The following DYNAP variants were observed in gnomAD, a reference collection of about 807,000 sequenced individuals.
DYNAP encodes dynactin-associated protein.
In DYNAP, 7 loss-of-function variants were observed where a neutral mutation model predicts 8.5. The ratio of observed to expected loss-of-function variants is 0.82; its 90% CI spans 0.47 to 1.54. The LOEUF (loss-of-function observed/expected upper bound fraction) is 1.54. DYNAP is among the 40% of genes most tolerant of loss of function. The pLI is 0.01. For missense variants in DYNAP, 256 were observed against 224.3 expected, an observed-to-expected ratio of 1.14 and a Z score of -0.90; for synonymous variants, 77 against 77.9, an observed-to-expected ratio of 0.99 and a Z score of 0.06.
the DYNAP span, among the ~76,000 whole-genome samples, chr18:54,576,503 A>G: frequency 1.3e-5 from 2 of 152,244 alleles, no homozygotes; most frequent in Middle Eastern, 3.4e-3. Flanking sequence ...GCATTTTCCA[A>G]AAAGAACAAA....
chr18:54,586,823 T>C (rs933016129), upstream of DYNAP, among the ~76,000 whole-genome samples: 1 of 152,228 alleles, frequency 6.6e-6, no homozygotes, highest in Non-Finnish European at 1.5e-5. Flanking sequence ...CTTTGAGCAG[T>C]GTGGTACACC....
At chr18:54,586,782 A>G (rs374796489), upstream of DYNAP, among the ~76,000 whole-genome samples, 31 of 152,328 alleles carry the variant, frequency 2.0e-4, no homozygotes, top group African/African-American at 6.7e-4. Flanking sequence ...GGATACTACT[A>G]CTTAATTCTT....
At position 54,594,967 on chromosome 18, in the gene DYNAP, C is replaced by T. The variant is rs1372017062; in HGVS notation, c.86C>T (p.Ala29Val). 1.2e-6 allele frequency: 2 copies of T among 1,612,114 alleles called. No homozygotes were observed. ...PPITHPNDQE[A>V]HSSICWCLPS... ...ATCACACATCCAAATGACCAAGAGG[C>T]TCACAGTTCCATATGCTGGTGTCTA... Residue 29 changes from alanine to valine, a missense_variant, in exon 2 of 3, where the codon GCT (alanine) becomes GTT (valine). By Grantham distance (64) the Ala-to-Val change is moderately conservative. Transcript: ENST00000648945.
intron 1 of DYNAP, among the ~76,000 whole-genome samples, chr18:54,592,049 C>T (rs1451604820): frequency 6.6e-6 from 1 of 152,074 alleles, no homozygotes; most frequent in East Asian, 1.9e-4. Flanking sequence ...AAATAGCTTG[C>T]TTTTGTCATA....
At chr18:54,577,926 T>C in the DYNAP span, among the ~76,000 whole-genome samples, 2 of 142,054 alleles carry the variant, frequency 1.4e-5, no homozygotes, top group Non-Finnish European at 3.0e-5. Flanking sequence ...ATCAGGCCAC[T>C]GCACTCCAGC....
rs1313285310 is a variant in DYNAP at position 54,598,135 on chromosome 18, A to G, written c.545A>G (p.Asp182Gly). The change falls in exon 3 of 3, where the codon GAT becomes GGT. Residue 182 changes from aspartate (D) to glycine (G), a missense_variant. Physicochemically the swap from Asp to Gly is moderately conservative, Grantham distance 94. Transcript: ENST00000648945. ...STEPITVAPT[D>G]HL ...GAACCTATAACTGTTGCACCTACCG[A>G]TCATTTATAATTTGAACAGCCATAG... 1.2e-6 allele frequency: 2 copies of G among 1,606,854 alleles called. No homozygotes were observed. The highest frequency in any genetic ancestry group is 1.1e-5 in the South Asian group (1 of 89,960).
chr18:54,583,850 C>A (rs1599442637), upstream of DYNAP, among the ~76,000 whole-genome samples: 1 of 152,240 alleles, frequency 6.6e-6, no homozygotes, highest in East Asian at 1.9e-4. Flanking sequence ...ATCCCACCTT[C>A]TGAGAACCGA....
Position 54,594,922 on chromosome 18 carries a change from C to G in DYNAP, c.58-17C>G, listed in dbSNP as rs751443471. 5 of 1,604,408 alleles carry G rather than the reference C, an allele frequency of 3.1e-6. No homozygotes were observed. Among genetic ancestry groups the G allele is most frequent in the Non-Finnish European group, 4.3e-6 (5 of 1,175,156 alleles). On this transcript the variant is annotated splice_polypyrimidine_tract_variant and intron_variant, in intron 1 of 2. Coordinates refer to ENST00000648945, the MANE Select transcript of DYNAP (RefSeq NM_173629.3). ...GGTTTCCTAGGCTTCCTACTCACTT[C>G]CACTCTGCCTTTGTAGCCAATCACA...
At chr18:54,587,624 GCC>G, upstream of DYNAP, 1 of 361,774 alleles carries the variant, frequency 2.8e-6, no homozygotes, top group Middle Eastern at 5.9e-4. Context: ...AATTTTTACT[GCC>G]AAATAAATTT....
chr18:54,598,479 A>G lies in DYNAP; in HGVS notation c.*334A>G, dbSNP rs1333509243. The stretch of plus-strand genomic sequence containing the variant: ...ACAATGCTCATCACTCTTTTCCAAC[A>G]ATGTATAATCTCCACCTATTCATCT... On this transcript the variant is annotated 3_prime_UTR_variant, in exon 3 of 3. Transcript: ENST00000648945. 3 of 240,272 alleles carry G rather than the reference A, an allele frequency of 1.2e-5. No individual in the cohort carries two copies. Among genetic ancestry groups the G allele is most frequent in the Middle Eastern group, 1.4e-3 (1 of 712 alleles). 14.9% of individuals were successfully genotyped at this position (240,272 alleles called of 1,614,324 possible).
At chr18:54,579,493 T>C in the DYNAP span, among the ~76,000 whole-genome samples, 1 of 152,220 alleles carries the variant, frequency 6.6e-6, no homozygotes, top group Non-Finnish European at 1.5e-5. Flanking sequence ...ACGTTTTCCA[T>C]ACCCAGGAGC....
the DYNAP span, among the ~76,000 whole-genome samples, chr18:54,580,392 CT>C: frequency 6.6e-6 from 1 of 152,216 alleles, no homozygotes; most frequent in Non-Finnish European, 1.5e-5. Flanking sequence ...ACGATGTCTA[CT>C]GAATCTGCCA....
chr18:54,598,505 G>A lies in DYNAP; in HGVS notation c.*360G>A. ...ATGTATAATCTCCACCTATTCATCTGAGGACTAAGCTCTGATTTTTCATCT... is the reference window on the plus strand; with the variant it reads ...ATGTATAATCTCCACCTATTCATCTAAGGACTAAGCTCTGATTTTTCATCT... On this transcript the variant is annotated 3_prime_UTR_variant, in exon 3 of 3. Coordinates refer to ENST00000648945, the MANE Select transcript of DYNAP (RefSeq NM_173629.3). 5.1e-6 allele frequency: 1 copy of A among 196,354 alleles called. No individual in the cohort carries two copies. Among genetic ancestry groups the A allele is most frequent in the African/African-American group, 2.3e-5 (1 of 43,566 alleles). 12.2% of individuals were successfully genotyped at this position (196,354 alleles called of 1,614,324 possible).
rs1030054578 is a variant in DYNAP at position 54,594,969 on chromosome 18, C to T, written c.88C>T (p.His30Tyr). 1 of 1,612,294 alleles carries T rather than the reference C, an allele frequency of 6.2e-7. No homozygotes were observed. The highest frequency in any genetic ancestry group is 1.7e-5 in the Admixed American group (1 of 59,860). ...CACACATCCAAATGACCAAGAGGCT[C>T]ACAGTTCCATATGCTGGTGTCTACC... ...PITHPNDQEA[H>Y]SSICWCLPSN... Residue 30 changes from histidine (H) to tyrosine (Y), a missense_variant, in exon 2 of 3, where the codon CAC (histidine) becomes TAC (tyrosine). His to Tyr is a moderately conservative substitution (Grantham distance 83, BLOSUM62 2). Coordinates refer to ENST00000648945, the MANE Select transcript of DYNAP (RefSeq NM_173629.3).
At chr18:54,592,158 T>G (rs1022589934) in intron 1 of DYNAP, among the ~76,000 whole-genome samples, 1 of 152,078 alleles carries the variant, frequency 6.6e-6, no homozygotes, top group African/African-American at 2.4e-5. Flanking sequence ...ATAGAGGATT[T>G]CTGGTTCACC....
At chr18:54,580,794 C>T in the DYNAP span, among the ~76,000 whole-genome samples, 58 of 152,302 alleles carry the variant, frequency 3.8e-4, no homozygotes, top group East Asian at 0.01. Flanking sequence ...CAAGCACCAG[C>T]GCCATGACAT....
chr18:54,595,232 GT>G, intron 2 of DYNAP, 129 bp downstream of exon 2: 1 of 1,044,986 alleles, frequency 9.6e-7, no homozygotes. Flanking sequence ...AGCATTTGCT[GT>G]ATTCTCAGTA....
At chr18:54,589,588 G>A (rs1910993496), upstream of DYNAP, among the ~76,000 whole-genome samples, 1 of 151,866 alleles carries the variant, frequency 6.6e-6, no homozygotes, top group Non-Finnish European at 1.5e-5. Flanking sequence ...CCCAAATTTT[G>A]TGGCTGAGTC....
intron 2 of DYNAP, among the ~76,000 whole-genome samples, chr18:54,596,434 C>G (rs1441315572): frequency 6.6e-6 from 1 of 152,056 alleles, no homozygotes; most frequent in Non-Finnish European, 1.5e-5. Flanking sequence ...AAGACCAAAT[C>G]AAGTGCCTGA....
Sources: allele counts gnomAD v4.1 joint callset (sites outside exome capture counted in the v4.1 genomes callset), GRCh38; gene constraint gnomAD v4.1.1; transcripts MANE v1.5; gene names NCBI Gene and HGNC (gene_info 2026-07-23, HGNC 2026-07-21).